The following IQCB1 variants were observed in gnomAD, a reference collection of about 807,000 sequenced individuals.
IQCB1 encodes IQ calmodulin-binding motif-containing protein 1.
In IQCB1, 56 loss-of-function variants were observed where a neutral mutation model predicts 84.4. The ratio of observed to expected loss-of-function variants is 0.66; its 90% CI spans 0.54 to 0.83. The LOEUF is 0.83. Ranked by LOEUF, IQCB1 falls within the 40% of genes least tolerant of loss-of-function variation. The pLI, the probability that IQCB1 is intolerant of heterozygous loss-of-function variation, is 0.00. For synonymous variants in IQCB1, 210 were observed against 234.8 expected, an observed-to-expected ratio of 0.89 and a Z score of 0.96; for missense variants, 629 against 682.1, an observed-to-expected ratio of 0.92 and a Z score of 0.87.
chr3:121,788,163 C>T (rs1195404046), intron 12 of IQCB1, 121 bp downstream of exon 12: 1 of 1,001,718 alleles, frequency 1.0e-6, no homozygotes, highest in African/African-American at 1.6e-5. Context: ...AAAGAAAAAA[C>T]TAAGGCTCAA....
rs553042892 is a variant in IQCB1, at chr3:121,777,943, G to A, written c.1410+3800C>T. 9.6e-5 allele frequency among the ~76,000 whole-genome samples: 14 copies of A among 146,498 alleles called. No individual in the cohort carries two copies. In the South Asian group the frequency reaches 2.8e-3, roughly 29 times the overall value. ...TTTTTTTTGAGACAGGGTCTCACTC[G>A]GCCACACAGGCTGGAGTGCAGTAGC... On this transcript the variant is annotated intron_variant, in intron 13 of 14. Transcript: ENST00000310864.
chr3:121,808,938 G>A lies in IQCB1; in HGVS notation c.465C>T (p.Gly155=). The change falls in exon 6 of 15, where the codon GGC becomes GGT. Residue 155 remains glycine, a synonymous_variant. Coordinates refer to ENST00000310864, the MANE Select transcript of IQCB1 (RefSeq NM_001023570.4). The part of the protein sequence containing the change: ...VTDSLFWLLG[G]HVELIQNVLQ... Reference sequence around the variant, plus strand: ...TACCATTCTGAATAAGTTCAACATGGCCTCCCAAAAGCCAGAAGAGAGAAT... The same window carrying A: ...TACCATTCTGAATAAGTTCAACATGACCTCCCAAAAGCCAGAAGAGAGAAT... 6.2e-7 allele frequency: 1 copy of A among 1,605,978 alleles called. No homozygotes were observed. Among genetic ancestry groups the A allele is most frequent in the Non-Finnish European group, 8.5e-7 (1 of 1,173,024 alleles).
intron 7 of IQCB1, among the ~76,000 whole-genome samples, chr3:121,805,535 T>C (rs895293894): frequency 1.3e-5 from 2 of 152,170 alleles, no homozygotes; most frequent in East Asian, 1.9e-4. Flanking sequence ...GTTAAGTTAC[T>C]TGGAAACAGT....
At chr3:121,793,920 A>G (rs1949086086) in intron 10 of IQCB1, among the ~76,000 whole-genome samples, 2 of 152,182 alleles carry the variant, frequency 1.3e-5, no homozygotes, top group South Asian at 4.1e-4. Flanking sequence ...GGGACTAAAC[A>G]TTAATGCTCT....
rs34294955 is a variant in IQCB1, at chr3:121,795,611, TAA to T, written c.877-47_877-46del. 0.031 allele frequency: 24,042 copies of T among 784,160 alleles called. No homozygotes were observed. Among genetic ancestry groups the T allele is most frequent in the Admixed American group, 0.041 (1,794 of 43,632 alleles). 48.6% of individuals were successfully genotyped at this position (784,160 alleles called of 1,614,324 possible). A position where few individuals can be genotyped will look rare whatever the true frequency, so the allele number is the denominator to read the frequency against. ...TTAGAGATATCTCTAGGAAGGTCTT[TAA>T]AAAAAAAAAAAAGTTTACCTCTTAA... On this transcript the variant is annotated intron_variant, in intron 9 of 14. Transcript: ENST00000310864.
Position 121,826,080 on chromosome 3 carries a change from A to G in IQCB1, c.364T>C (p.Leu122=). 2.5e-6 allele frequency: 4 copies of G among 1,613,348 alleles called. No homozygotes were observed. Among genetic ancestry groups the G allele is most frequent in the Non-Finnish European group, 3.4e-6 (4 of 1,179,344 alleles). The change falls in exon 5 of 15, where the codon TTA becomes CTA. Residue 122 remains leucine, a synonymous_variant. Coordinates refer to ENST00000310864, the MANE Select transcript of IQCB1 (RefSeq NM_001023570.4). ...GCTGCATTGATAAAACATGTTTGTA[A>G]TTGTCTCCCCAAAACTAGAAAATTT... The part of the protein sequence containing the change: ...AENFLVLGRQ[L]QTCFINAAKA...
intron 14 of IQCB1, among the ~76,000 whole-genome samples, chr3:121,771,961 G>A (rs1250251967): frequency 2.0e-5 from 3 of 152,012 alleles, no homozygotes; most frequent in African/African-American, 4.8e-5. Context: ...AGGTCACAAG[G>A]TCAAGAGATC....
chr3:121,798,809 G>C (rs941474817), intron 8 of IQCB1, among the ~76,000 whole-genome samples: 8 of 151,704 alleles, frequency 5.3e-5, no homozygotes, highest in Admixed American at 4.6e-4. Flanking sequence ...ATTATTGATA[G>C]TTCAAAATAC....
At position 121,788,395 on chromosome 3, in the gene IQCB1, T is replaced by C. The variant is rs773702869; in HGVS notation, c.1167A>G (p.Lys389=). The C allele has an allele frequency of 3.1e-6, 5 of 1,613,918 alleles. No individual in the cohort carries two copies. The South Asian group carries it at 5.5e-5, about 18-fold the overall frequency. ...VEKHYREMEE[K]SALIIQKHWR... ...AATGTTTCTGGATAATCAGTGCTGA[T>C]TTCTCTTCCATTTCCCGATAGTGTT... Residue 389 remains lysine (K), a synonymous_variant, in exon 12 of 15, where the codon AAA becomes AAG. Coordinates refer to ENST00000310864, the MANE Select transcript of IQCB1 (RefSeq NM_001023570.4).
At chr3:121,822,927 AAATTTGACCCAGAT>A (rs1248247915) in intron 5 of IQCB1, among the ~76,000 whole-genome samples, 1 of 152,224 alleles carries the variant, frequency 6.6e-6, no homozygotes, top group African/African-American at 2.4e-5. Context: ...AGAAGCAGAA[AAATTTGACCCAGAT>A]AATTTGACCC....
At chr3:121,813,661 C>A (rs1322409746) in intron 5 of IQCB1, among the ~76,000 whole-genome samples, 2 of 152,014 alleles carry the variant, frequency 1.3e-5, no homozygotes, top group Non-Finnish European at 2.9e-5. Flanking sequence ...CAACAAAGAT[C>A]AAAAAAGACA....
At chr3:121,790,032 C>T in intron 11 of IQCB1, 41 bp downstream of exon 11, 1 of 1,575,316 alleles carries the variant, frequency 6.3e-7, no homozygotes, top group South Asian at 1.1e-5. Context: ...AAAAGATAAC[C>T]TAAATATTCT....
intron 5 of IQCB1, among the ~76,000 whole-genome samples, chr3:121,810,848 C>T (rs1949799660): frequency 6.6e-6 from 1 of 152,138 alleles, no homozygotes; most frequent in African/African-American, 2.4e-5. Context: ...CTTCAACTAA[C>T]CTGAATTAAA....
At position 121,826,965 on chromosome 3, in the gene IQCB1, T is replaced by C. The variant is rs1210006158; in HGVS notation, c.264-785A>G. 3.9e-5 allele frequency among the ~76,000 whole-genome samples: 6 copies of C among 152,118 alleles called. No homozygotes were observed. In the East Asian group the frequency reaches 9.6e-4, roughly 24 times the overall value. On this transcript the variant is annotated intron_variant, in intron 4 of 14. Transcript: ENST00000310864. ...AAAATGTATGGACACTAATAAGCAA[T>C]AACAACTATGTATTGAGCATGTTAA...
chr3:121,792,657 G>A (rs1298951993), intron 10 of IQCB1, among the ~76,000 whole-genome samples: 2 of 74,622 alleles, frequency 2.7e-5, no homozygotes, highest in South Asian at 5.9e-4. Flanking sequence ...GCAAGACTCC[G>A]TCTCAAAAAA....
intron 10 of IQCB1, among the ~76,000 whole-genome samples, chr3:121,792,940 A>G (rs1438918285): frequency 6.6e-6 from 1 of 152,236 alleles, no homozygotes; most frequent in African/African-American, 2.4e-5. Flanking sequence ...TCTGTACTAC[A>G]CTTCTGAAGA....
chr3:121,788,251 G>C, intron 12 of IQCB1, 33 bp downstream of exon 12: 1 of 1,608,544 alleles, frequency 6.2e-7, no homozygotes, highest in Non-Finnish European at 8.5e-7. Flanking sequence ...TTTGCCTCTT[G>C]ATTCAGAGCT....
rs142156211 is a variant in IQCB1, at chr3:121,821,621, G to T, written c.393+4430C>A. Among the ~76,000 whole-genome samples, 12 of 152,278 alleles carry T rather than the reference G, an allele frequency of 7.9e-5. No homozygotes were observed. In the East Asian group the frequency reaches 2.3e-3, roughly 29 times the overall value. ...TAGTCATGGATAATATAAACAAATA[G>T]GTGCAGCTGTGTTCCAATACAACTT... On this transcript the variant is annotated intron_variant, in intron 5 of 14. Coordinates refer to ENST00000310864, the MANE Select transcript of IQCB1 (RefSeq NM_001023570.4).
intron 9 of IQCB1, among the ~76,000 whole-genome samples, chr3:121,796,268 C>T (rs1167658524): frequency 6.6e-6 from 1 of 152,038 alleles, no homozygotes; most frequent in African/African-American, 2.4e-5. Context: ...TCCCCCAACC[C>T]ATTCTCCTGC....
Sources: allele counts gnomAD v4.1 joint callset (sites outside exome capture counted in the v4.1 genomes callset), GRCh38; gene constraint gnomAD v4.1.1; transcripts MANE v1.5; gene names NCBI Gene and HGNC (gene_info 2026-07-23, HGNC 2026-07-21).